The following VSTM2A variants were observed in gnomAD, a reference collection of about 807,000 sequenced individuals.
The protein encoded by VSTM2A is V-set and transmembrane domain-containing protein 2A.
Under a neutral mutation model 27.3 loss-of-function variants are expected in VSTM2A, and 13 were observed. The observed-to-expected ratio is 0.48, with a 90% CI of 0.31 to 0.76. The LOEUF (loss-of-function observed/expected upper bound fraction) is 0.76, where lower values mean the gene tolerates loss of function less well. Ranked by LOEUF, VSTM2A falls within the 30% of genes least tolerant of loss-of-function variation. The pLI is 0.05. For missense variants in VSTM2A, 280 were observed against 310.0 expected (o/e 0.90, Z 0.73); for synonymous variants, 142 against 125.7 (o/e 1.13, Z -0.87).
chr7:54,549,219 A>G (rs1469278739), intron 3 of VSTM2A, among the ~76,000 whole-genome samples: 1 of 152,138 alleles, frequency 6.6e-6, no homozygotes, highest in African/African-American at 2.4e-5. Flanking sequence ...ACTTTGAGCA[A>G]CAAGACTTCA....
At chr7:54,547,098 A>T in intron 3 of VSTM2A, 101 bp downstream of exon 3, 1 of 1,382,702 alleles carries the variant, frequency 7.2e-7, no homozygotes. Context: ...GGACAGCCGG[A>T]CAGCCGGGTG....
intron 4 of VSTM2A, among the ~76,000 whole-genome samples, chr7:54,568,532 T>TAA (rs576726910): frequency 4.2e-5 from 6 of 143,346 alleles, no homozygotes; most frequent in African/African-American, 1.5e-4. Flanking sequence ...TTTCGAGGAT[T>TAA]AAAAAAAAAA....
rs1234967649 is a variant in VSTM2A, at chr7:54,569,732, C to G, written c.*513C>G. ...GGCAAGTGCTGGTTATGGCCAATCTCCGTCAATCCTAGGAGGTTTATAGAA... is the reference window on the plus strand; with the variant it reads ...GGCAAGTGCTGGTTATGGCCAATCTGCGTCAATCCTAGGAGGTTTATAGAA... On this transcript the variant is annotated 3_prime_UTR_variant, in exon 5 of 5. Transcript: ENST00000402613. The G allele has an allele frequency of 6.4e-6, 1 of 155,056 alleles. No homozygotes were observed. Among genetic ancestry groups the G allele is most frequent in the Non-Finnish European group, 1.4e-5 (1 of 69,850 alleles). The allele number at this position is 155,056 out of a possible 1,614,324, so 9.6% of individuals were successfully genotyped here. A position where few individuals can be genotyped will look rare whatever the true frequency, so the allele number is the denominator to read the frequency against.
intron 2 of VSTM2A, chr7:54,546,554 G>GCC (rs763266624): frequency 0.079 from 12,838 of 161,486 alleles, 968 homozygotes; most frequent in East Asian, 0.24. Flanking sequence ...CACCCCTGGC[G>GCC]CCCCCCCGCC....
At chr7:54,546,844 T>G in intron 2 of VSTM2A, 103 bp from the exon 3 acceptor site, 1 of 1,500,672 alleles carries the variant, frequency 6.7e-7, no homozygotes, top group Non-Finnish European at 8.9e-7. Flanking sequence ...TGTCCCCAGG[T>G]CACCCTGACG....
chr7:54,553,787 A>C (rs1431981595), intron 4 of VSTM2A: 2 of 1,528,304 alleles, frequency 1.3e-6, no homozygotes, highest in Non-Finnish European at 1.8e-6. Context: ...AGAACACAGG[A>C]CTCAACGCCC....
At chr7:54,559,078 T>C (rs895765249) in intron 4 of VSTM2A, 1 of 152,074 alleles carries the variant, frequency 6.6e-6, no homozygotes, top group Non-Finnish European at 1.5e-5. Flanking sequence ...TAATCAGTCG[T>C]AATAGAGATA....
chr7:54,546,755 C>T (rs113574162), intron 2 of VSTM2A, 192 bp from the exon 3 acceptor site: 7,175 of 576,514 alleles, frequency 0.012, 55 homozygotes, highest in Middle Eastern at 0.018. Flanking sequence ...CCAGGGACAG[C>T]GTGGGGTATG....
At chr7:54,557,232 C>T (rs1788392386) in intron 4 of VSTM2A, 1 of 152,262 alleles carries the variant, frequency 6.6e-6, no homozygotes, top group Non-Finnish European at 1.5e-5. Flanking sequence ...TTTGTAGAGG[C>T]ACTAGTGCAC....
chr7:54,554,630 A>G (rs1339884514), intron 4 of VSTM2A, among the ~76,000 whole-genome samples: 3 of 152,118 alleles, frequency 2.0e-5, no homozygotes, highest in Non-Finnish European at 4.4e-5. Context: ...CCAATTCTAG[A>G]CCTATCCTTT....
chr7:54,554,040 C>T, intron 4 of VSTM2A: 2 of 1,553,028 alleles, frequency 1.3e-6, no homozygotes, highest in Non-Finnish European at 1.7e-6. Flanking sequence ...TGGATCAACC[C>T]CTGGTGTGCA....
chr7:54,542,951 C>A, intron 1 of VSTM2A, 142 bp downstream of exon 1: 3 of 778,550 alleles, frequency 3.9e-6, no homozygotes, highest in Non-Finnish European at 6.2e-6. Flanking sequence ...TTCTGTTTGA[C>A]GATTTTTTTT....
At chr7:54,546,877 C>G in intron 2 of VSTM2A, 70 bp from the exon 3 acceptor site, 2 of 1,587,226 alleles carry the variant, frequency 1.3e-6, no homozygotes, top group Non-Finnish European at 1.7e-6. Flanking sequence ...GCCGCGAAGG[C>G]TATGCTCGCG....
At chr7:54,553,749 A>T (rs1788260080) in intron 4 of VSTM2A, 3 of 1,372,436 alleles carry the variant, frequency 2.2e-6, no homozygotes, top group East Asian at 5.0e-5. Context: ...CTTGACCAGG[A>T]TGGAGTGGTT....
chr7:54,544,576 C>T (rs1023994596), intron 1 of VSTM2A, 46 bp from the exon 2 acceptor site: 3 of 1,610,718 alleles, frequency 1.9e-6, no homozygotes, highest in African/African-American at 2.7e-5. Flanking sequence ...GAGACTCAGG[C>T]AAGAGGGGTG....
intron 4 of VSTM2A, among the ~76,000 whole-genome samples, chr7:54,553,188 T>C (rs1029600788): frequency 6.6e-6 from 1 of 152,234 alleles, no homozygotes; most frequent in Non-Finnish European, 1.5e-5. Flanking sequence ...CCAGATATTT[T>C]CCAAAAGTTT....
At chr7:54,553,813 A>C in intron 4 of VSTM2A, 3 of 1,547,630 alleles carry the variant, frequency 1.9e-6, no homozygotes, top group Non-Finnish European at 1.7e-6. Flanking sequence ...CCATGCCCCC[A>C]AATACCCCAA....
chr7:54,546,817 G>GCTCCTGGTCGCTCCCCTGT, intron 2 of VSTM2A, 130 bp from the exon 3 acceptor site: 2 of 1,147,644 alleles, frequency 1.7e-6, no homozygotes, highest in Middle Eastern at 5.2e-4. Context: ...GGGTGGCCAC[G>GCTCCTGGTCGCTCCCCTGT]CCCCTGGTCG....
intron 4 of VSTM2A, chr7:54,568,921 A>G: frequency 7.1e-7 from 1 of 1,417,848 alleles, no homozygotes; most frequent in Non-Finnish European, 9.6e-7. Flanking sequence ...GAGCTAATTA[A>G]ATATATATAT....
Sources: gnomAD v4.1 joint callset for allele counts (sites outside exome capture counted in the v4.1 genomes callset) on GRCh38, gnomAD v4.1.1 for gene constraint, MANE v1.5 for transcripts, NCBI Gene and HGNC (gene_info 2026-07-23, HGNC 2026-07-21) for gene names.